The following PACS2 variants were observed in gnomAD, a reference collection of about 807,000 sequenced individuals.
PACS2 encodes the protein phosphofurin acidic cluster sorting protein 2, also known as PACS1-like protein.
PACS2 carries 36 observed loss-of-function variants against 113.0 expected under a neutral mutation model. The ratio of observed to expected loss-of-function variants is 0.32; its 90% confidence interval spans 0.24 to 0.42. The LOEUF is 0.42. Ranked by LOEUF, PACS2 falls within the 10% of genes least tolerant of loss-of-function variation. PACS2 has a pLI of 1.00. For synonymous variants in PACS2, 589 were observed against 536.1 expected, an observed-to-expected ratio of 1.10 and a Z score of -1.36; for missense variants, 1,015 against 1,239.5, an observed-to-expected ratio of 0.82 and a Z score of 2.72.
intron 22 of PACS2, 40 bp downstream of exon 22, chr14:105,391,806 C>A: frequency 1.3e-6 from 2 of 1,548,972 alleles, no homozygotes; most frequent in Non-Finnish European, 8.7e-7. Flanking sequence ...CACTTACCCG[C>A]CCCACCACAT....
At chr14:105,380,480 G>A (rs114833408) in intron 11 of PACS2, among the ~76,000 whole-genome samples, 2,136 of 147,720 alleles carry the variant, frequency 0.014, 61 homozygotes, top group African/African-American at 0.051. Context: ...CCACCCTCAG[G>A]GTCAGGGCAG....
chr14:105,363,129 G>A (rs1208425399), intron 4 of PACS2, among the ~76,000 whole-genome samples: 1 of 152,198 alleles, frequency 6.6e-6, no homozygotes, highest in African/African-American at 2.4e-5. Flanking sequence ...AACACAGACA[G>A]TCGACTTTGC....
At chr14:105,391,002 G>A (rs1377640140) in intron 20 of PACS2, 30 of 605,390 alleles carry the variant, frequency 5.0e-5, no homozygotes, top group Non-Finnish European at 5.9e-6. Flanking sequence ...CACGCACCCT[G>A]AGCACTGTCT....
Position 105,359,183 on chromosome 14 carries a change from A to G in PACS2, c.423+4006A>G, listed in dbSNP as rs587601374. 2.6e-5 allele frequency among the ~76,000 whole-genome samples: 4 copies of G among 152,002 alleles called. No individual in the cohort carries two copies. In the South Asian group the frequency reaches 6.2e-4, roughly 24 times the overall value. On this transcript the variant is annotated intron_variant, in intron 4 of 24. Transcript: ENST00000447393. ...GCGTGGTGACCTCCCAGGCCTTCGC[A>G]TTACTCACTCACCCACCAGCTTGTC...
intron 8 of PACS2, chr14:105,371,485 C>T (rs587742000): frequency 1.3e-5 from 2 of 152,362 alleles, no homozygotes; most frequent in Admixed American, 1.3e-4. Flanking sequence ...ACATCGTTTT[C>T]ATAGGGATAA....
intron 22 of PACS2, chr14:105,392,064 G>T (rs1300800473): frequency 4.4e-6 from 2 of 453,166 alleles, no homozygotes; most frequent in Admixed American, 4.1e-5. Flanking sequence ...AACAAGCTGA[G>T]GGCAGAAGGT....
At chr14:105,390,116 C>A (rs1419215060) in intron 20 of PACS2, 113 bp downstream of exon 20, 6 of 976,196 alleles carry the variant, frequency 6.1e-6, no homozygotes, top group African/African-American at 1.6e-5. Flanking sequence ...CCCACAGATA[C>A]GAGCTGGGGA....
At chr14:105,388,099 A>G (rs1402594420) in intron 19 of PACS2, among the ~76,000 whole-genome samples, 1 of 152,246 alleles carries the variant, frequency 6.6e-6, no homozygotes, top group African/African-American at 2.4e-5. Flanking sequence ...AAGAGGGGAA[A>G]GTTTCAACTC....
Position 105,372,415 on chromosome 14 carries a change from C to T in PACS2, c.801+2515C>T, listed in dbSNP as rs587670493. Reference sequence around the variant, plus strand: ...ACACCATGTGCAGAATTCAGCTTGACTGGATCATATTCCTAAATGTAAAAG... The same window carrying T: ...ACACCATGTGCAGAATTCAGCTTGATTGGATCATATTCCTAAATGTAAAAG... On this transcript the variant is annotated intron_variant, in intron 8 of 24. Transcript: ENST00000447393. 2.0e-5 allele frequency: 3 copies of T among 152,352 alleles called. No individual in the cohort carries two copies. The South Asian group carries it at 6.2e-4, about 32-fold the overall frequency. The allele number at this position is 152,352 out of a possible 1,614,324, so 9.4% of individuals were successfully genotyped here.
rs1555403541 is a variant in PACS2, at chr14:105,349,907, CA to C, written c.207+1328del. ...CTAATAGCAGGACCCCGAGAACTTC[CA>C]GGAGAGCGTGGCTAATGCAGGACCC... On this transcript the variant is annotated intron_variant, in intron 2 of 24. Transcript: ENST00000447393. Among the ~76,000 whole-genome samples, 58 of 147,730 alleles carry C rather than the reference CA, an allele frequency of 3.9e-4. 2 individuals are homozygous for C. Among genetic ancestry groups the C allele is most frequent in the African/African-American group, 1.3e-3 (50 of 38,830 alleles).
intron 23 of PACS2, 65 bp downstream of exon 23, chr14:105,392,910 C>T (rs1303539673): frequency 9.9e-6 from 13 of 1,313,730 alleles, no homozygotes; most frequent in South Asian, 3.6e-5. Context: ...GAGGGCGGCT[C>T]GCAGTCAACA....
intron 1 of PACS2, among the ~76,000 whole-genome samples, chr14:105,301,747 C>G (rs1039169376): frequency 6.6e-6 from 1 of 152,238 alleles, no homozygotes; most frequent in Non-Finnish European, 1.5e-5. Flanking sequence ...TGCCCCCTGC[C>G]CAGAGCGGGA....
rs1595743105 is a variant in PACS2 at position 105,376,699 on chromosome 14, T to G, written c.802-69T>G. On this transcript the variant is annotated intron_variant, in intron 8 of 24. Coordinates refer to ENST00000447393, the MANE Select transcript of PACS2 (RefSeq NM_001100913.3). This position sits in a 1 kb window ranked among gnomAD's most constrained non-coding sequence, Gnocchi z 4.7. ...CCTATTGCTCCTGCAGACTCTGGGG[T>G]CTCGGGCGCCCCCAGTGGGGCAATG... 1 of 1,486,634 alleles carries G rather than the reference T, an allele frequency of 6.7e-7. No homozygotes were observed. The highest frequency in any genetic ancestry group is 9.3e-7 in the Non-Finnish European group (1 of 1,080,604). The allele number at this position is 1,486,634 out of a possible 1,614,324, so 92.1% of individuals were successfully genotyped here.
intron 1 of PACS2, among the ~76,000 whole-genome samples, chr14:105,347,777 G>A (rs1555402990): frequency 6.6e-6 from 1 of 152,252 alleles, no homozygotes; most frequent in Non-Finnish European, 1.5e-5. Flanking sequence ...GCATGGGTGG[G>A]TGGTGTGGGC....
chr14:105,393,654 A>C lies in PACS2; in HGVS notation c.2596+319A>C, dbSNP rs146431380. 171 of 229,256 alleles carry C rather than the reference A, an allele frequency of 7.5e-4. 6 individuals carry two copies. In the East Asian group the frequency reaches 0.018, roughly 24 times the overall value. The allele number at this position is 229,256 out of a possible 1,614,324, so 14.2% of individuals were successfully genotyped here. A position where few individuals can be genotyped will look rare whatever the true frequency, so the allele number is the denominator to read the frequency against. ...ACCCAGGCTGGAGTGCAATGGTGTGATCTCAGCTCACTGCAACTTCCATCT... is the reference window on the plus strand; with the variant it reads ...ACCCAGGCTGGAGTGCAATGGTGTGCTCTCAGCTCACTGCAACTTCCATCT... On this transcript the variant is annotated intron_variant, in intron 24 of 24. Transcript: ENST00000447393.
chr14:105,392,044 G>A lies in PACS2; in HGVS notation c.2255+278G>A. 4 of 486,532 alleles carry A rather than the reference G, an allele frequency of 8.2e-6. No homozygotes were observed. In the South Asian group the frequency reaches 1.2e-4, roughly 15 times the overall value. The allele number at this position is 486,532 out of a possible 1,614,324, so 30.1% of individuals were successfully genotyped here. A position where few individuals can be genotyped will look rare whatever the true frequency, so the allele number is the denominator to read the frequency against. ...TCTCTCAGCTCTGTACACAGTTGGG[G>A]CTTTTAAAAAACAAGCTGAGGGCAG... On this transcript the variant is annotated intron_variant, in intron 22 of 24. Transcript: ENST00000447393.
rs1189676949 is a variant in PACS2, at chr14:105,356,101, G to A, written c.423+924G>A. ...CCCCAGCCCCTCTTCTTCCCACTTT[G>A]TCCCCCTGCTCCTGGGGCTTGGGGC... On this transcript the variant is annotated intron_variant, in intron 4 of 24. Coordinates refer to ENST00000447393, the MANE Select transcript of PACS2 (RefSeq NM_001100913.3). The surrounding 1 kb of genome is among the most constrained non-coding windows in gnomAD (Gnocchi z 4.0). Among the ~76,000 whole-genome samples, 1 of 152,078 alleles carries A rather than the reference G, an allele frequency of 6.6e-6. No individual in the cohort carries two copies. The highest frequency in any genetic ancestry group is 6.5e-5 in the Admixed American group (1 of 15,270).
chr14:105,354,930 C>G lies in PACS2; in HGVS notation c.298-122C>G. 2.1e-6 allele frequency: 2 copies of G among 948,674 alleles called. No individual in the cohort carries two copies. Among genetic ancestry groups the G allele is most frequent in the South Asian group, 3.3e-5 (2 of 61,506 alleles). 58.8% of individuals were successfully genotyped at this position (948,674 alleles called of 1,614,324 possible). On this transcript the variant is annotated intron_variant, in intron 3 of 24. Transcript: ENST00000447393. This position sits in a 1 kb window ranked among gnomAD's most constrained non-coding sequence, Gnocchi z 4.2. ...TGGGGGCCCGTCTGTGGGTGCCCTT[C>G]CGATCTCATGGGCAGCAGGTTGGCC...
intron 1 of PACS2, among the ~76,000 whole-genome samples, chr14:105,327,102 C>T (rs1320852075): frequency 6.6e-6 from 1 of 152,242 alleles, no homozygotes; most frequent in Non-Finnish European, 1.5e-5. Flanking sequence ...GGTCCAGCGT[C>T]GCTGTCTCCT....
Sources: gnomAD v4.1 joint callset for allele counts (sites outside exome capture counted in the v4.1 genomes callset) on GRCh38, gnomAD v4.1.1 for gene constraint, Gnocchi (gnomAD v3.1) non-coding constraint, MANE v1.5 for transcripts, NCBI Gene and HGNC (gene_info 2026-07-23, HGNC 2026-07-21) for gene names.